RBFOX1: variants seen among roughly 807,000 people sequenced by gnomAD.
RBFOX1 encodes RNA binding protein fox-1 homolog 1.
A neutral mutation model predicts 57.7 loss-of-function variants in RBFOX1; 8 were observed. That is an observed-to-expected ratio of 0.14 (90% CI 0.08 to 0.25). The LOEUF is 0.25. Among genes scored for constraint, RBFOX1 ranks in the 10% least tolerant of loss-of-function variants. The pLI is 1.00. For synonymous variants in RBFOX1, 326 were observed against 222.4 expected (o/e 1.47, Z -4.15); for missense variants, 611 against 548.5 (o/e 1.11, Z -1.14).
intron 3 of RBFOX1, among the ~76,000 whole-genome samples, chr16:6,670,764 G>C (rs536666789): frequency 6.6e-6 from 1 of 152,188 alleles, no homozygotes; most frequent in African/African-American, 2.4e-5. Flanking sequence ...CTGGGAGGCC[G>C]AGCTGGGTGG....
chr16:5,510,354 C>G (rs75039217), intron 2 of RBFOX1, among the ~76,000 whole-genome samples: 3,415 of 152,280 alleles, frequency 0.022, 134 homozygotes, highest in African/African-American at 0.078. Flanking sequence ...GGGGGTCTGC[C>G]TGGTGTCTCT....
Position 6,743,857 on chromosome 16 carries a change from T to A in RBFOX1, c.-16+89207T>A, listed in dbSNP as rs72764986. Among the ~76,000 whole-genome samples, 524 of 121,664 alleles carry A rather than the reference T, an allele frequency of 4.3e-3. 12 individuals are homozygous for A. The highest frequency in any genetic ancestry group is 0.014 in the Admixed American group (182 of 12,844). The allele number at this position is 121,664 out of a possible 152,430, so 79.8% of individuals were successfully genotyped here. A position where few individuals can be genotyped will look rare whatever the true frequency, so the allele number is the denominator to read the frequency against. ...AAAATCATGTTCATTTATTTCTGAT[T>A]ATTTGTAACACATTTTCCTATACAT... On this transcript the variant is annotated intron_variant, in intron 3 of 15. Transcript: ENST00000550418.
intron 1 of RBFOX1, chr16:6,093,028 G>A (rs1262130968): frequency 1.3e-5 from 2 of 152,152 alleles, no homozygotes; most frequent in African/African-American, 2.4e-5. Context: ...CAATTTACCT[G>A]TATGACAAAC....
intron 3 of RBFOX1, among the ~76,000 whole-genome samples, chr16:5,665,094 C>T (rs1474187930): frequency 6.7e-6 from 1 of 150,264 alleles, no homozygotes; most frequent in Non-Finnish European, 1.5e-5. Flanking sequence ...CACAGGTGTG[C>T]ACCACCATGG....
At chr16:5,516,595 A>G (rs928508724) in intron 2 of RBFOX1, among the ~76,000 whole-genome samples, 1 of 152,200 alleles carries the variant, frequency 6.6e-6, no homozygotes, top group African/African-American at 2.4e-5. Context: ...TAGGCCCTCA[A>G]TAAATCTTGA....
intron 2 of RBFOX1, among the ~76,000 whole-genome samples, chr16:6,624,568 T>A (rs1480792398): frequency 2.6e-5 from 4 of 152,134 alleles, no homozygotes; most frequent in Non-Finnish European, 5.9e-5. Flanking sequence ...AGGACGTCTT[T>A]CCTTCACATG....
At chr16:5,424,601 G>C (rs922501866) in intron 1 of RBFOX1, among the ~76,000 whole-genome samples, 4 of 151,928 alleles carry the variant, frequency 2.6e-5, no homozygotes, top group African/African-American at 9.7e-5. Context: ...TGGGTTGACA[G>C]GTACAGCAAA....
At chr16:7,682,592 TC>T (rs1394448911) in intron 14 of RBFOX1, among the ~76,000 whole-genome samples, 1 of 151,532 alleles carries the variant, frequency 6.6e-6, no homozygotes, top group Non-Finnish European at 1.5e-5. Flanking sequence ...TGATGAACTC[TC>T]TTGGGTTCTA....
At chr16:5,388,409 A>G (rs2066312449) in intron 1 of RBFOX1, among the ~76,000 whole-genome samples, 1 of 152,160 alleles carries the variant, frequency 6.6e-6, no homozygotes, top group African/African-American at 2.4e-5. Context: ...TCCAATAGGC[A>G]CAGTCAAGGA....
intron 2 of RBFOX1, among the ~76,000 whole-genome samples, chr16:6,558,261 G>C (rs773373512): frequency 5.1e-4 from 78 of 152,222 alleles, no homozygotes; most frequent in Non-Finnish European, 9.1e-4. Context: ...CATTGTTAGA[G>C]GCAATCAGAG....
At chr16:6,441,275 G>T (rs1356507508) in intron 2 of RBFOX1, among the ~76,000 whole-genome samples, 1 of 152,156 alleles carries the variant, frequency 6.6e-6, no homozygotes, top group Non-Finnish European at 1.5e-5. Context: ...TATCTCTGGG[G>T]AACAAATAGG....
chr16:5,432,747 T>C (rs1242299004), intron 1 of RBFOX1, among the ~76,000 whole-genome samples: 2 of 152,114 alleles, frequency 1.3e-5, no homozygotes, highest in African/African-American at 4.8e-5. Flanking sequence ...TTCTCCTGTC[T>C]TTCCCACAGA....
intron 4 of RBFOX1, among the ~76,000 whole-genome samples, chr16:7,392,352 C>G (rs1045924011): frequency 1.3e-5 from 2 of 152,114 alleles, no homozygotes; most frequent in African/African-American, 2.4e-5. Flanking sequence ...TGCATTTGGA[C>G]AATGGCCTGT....
intron 3 of RBFOX1, among the ~76,000 whole-genome samples, chr16:5,814,975 C>T (rs2055574640): frequency 6.6e-6 from 1 of 151,548 alleles, no homozygotes; most frequent in South Asian, 2.1e-4. Flanking sequence ...TTATTCCTGA[C>T]CTATTTTCTT....
intron 2 of RBFOX1, among the ~76,000 whole-genome samples, chr16:6,413,717 C>G (rs965434513): frequency 2.6e-5 from 4 of 152,180 alleles, no homozygotes; most frequent in Admixed American, 2.0e-4. Context: ...ACTGGAAGAA[C>G]AAGACCACAT....
intron 3 of RBFOX1, among the ~76,000 whole-genome samples, chr16:6,826,186 G>A (rs1180990218): frequency 6.6e-6 from 1 of 152,094 alleles, no homozygotes; most frequent in African/African-American, 2.4e-5. Flanking sequence ...CGCCACGTAG[G>A]TTGTATGTAT....
chr16:7,305,921 T>G (rs1412665053), intron 4 of RBFOX1, among the ~76,000 whole-genome samples: 1 of 152,204 alleles, frequency 6.6e-6, no homozygotes, highest in Non-Finnish European at 1.5e-5. Flanking sequence ...TTGCTGTGGG[T>G]GTGTGTGTAA....
In RBFOX1 at chr16:5,900,906, A is replaced by T. The variant is rs1286554168; in HGVS notation, c.351+33571A>T. On this transcript the variant is annotated intron_variant, in intron 4 of 19. Coordinates refer to the RBFOX1 transcript ENST00000641259. ...TACATAGTTCTGATTACCTGGGGAAATTAATAGAACAAATCTTTCCCTTGG... is the reference window on the plus strand; with the variant it reads ...TACATAGTTCTGATTACCTGGGGAATTTAATAGAACAAATCTTTCCCTTGG... Among the ~76,000 whole-genome samples the T allele has an allele frequency of 6.6e-5, 10 of 152,176 alleles. No individual in the cohort carries two copies. In the East Asian group the frequency reaches 1.9e-3, roughly 29 times the overall value.
chr16:7,429,146 A>T (rs1171787143), intron 4 of RBFOX1, among the ~76,000 whole-genome samples: 2 of 152,154 alleles, frequency 1.3e-5, no homozygotes, highest in East Asian at 1.9e-4. Context: ...ACATCTCCTG[A>T]TGTGAACACT....
Sources: allele counts gnomAD v4.1 joint callset (sites outside exome capture counted in the v4.1 genomes callset), GRCh38; gene constraint gnomAD v4.1.1; transcripts MANE v1.5; gene names NCBI Gene and HGNC (gene_info 2026-07-23, HGNC 2026-07-21).